Variants in CAPN8 observed in about 807,000 individuals in gnomAD.
CAPN8 encodes calpain-8.
Under a neutral mutation model 80.9 loss-of-function variants are expected in CAPN8, and 87 were observed. That is an observed-to-expected ratio of 1.07 (90% confidence interval 0.90 to 1.28). CAPN8 has a LOEUF of 1.28. CAPN8 is among the 50% of genes most tolerant of loss of function. The pLI, the probability that CAPN8 is intolerant of heterozygous loss-of-function variation, is 0.00. For synonymous variants in CAPN8, 299 were observed against 273.8 expected (o/e 1.09, Z -0.91); for missense variants, 757 against 702.0 (o/e 1.08, Z -0.89).
chr1:223,548,856 A>AGT (rs2102689111), intron 16 of CAPN8, among the ~76,000 whole-genome samples: 1 of 147,192 alleles, frequency 6.8e-6, no homozygotes, highest in Admixed American at 6.7e-5. Flanking sequence ...AACTATCAGT[A>AGT]GTAGCTGTCC....
intron 6 of CAPN8, among the ~76,000 whole-genome samples, chr1:223,625,126 G>A (rs745581966): frequency 1.2e-4 from 19 of 152,106 alleles, no homozygotes; most frequent in Non-Finnish European, 2.5e-4. Context: ...AAAAAATAAT[G>A]ACTAGTATAG....
At position 223,627,133 on chromosome 1, in the gene CAPN8, G is replaced by T. The variant is rs770852387; in HGVS notation, c.585C>A (p.Leu195=). ...YAKLNGCYEA[L]AGGSTVEGFE... ...ACCCCTCCACTGTGGAACCTCCAGC[G>T]AGAGCCTCATAACAACCATTAAGCC... Residue 195 remains leucine, a synonymous_variant, in exon 5 of 21, where the codon CTC becomes CTA. Coordinates refer to ENST00000366872, the MANE Select transcript of CAPN8 (RefSeq NM_001143962.2). 4 of 1,552,336 alleles carry T rather than the reference G, an allele frequency of 2.6e-6. No individual in the cohort carries two copies. In the Admixed American group the frequency reaches 7.8e-5, roughly 30 times the overall value.
chr1:223,638,348 A>G (rs1336358076), intron 2 of CAPN8, among the ~76,000 whole-genome samples: 4 of 151,956 alleles, frequency 2.6e-5, no homozygotes. Context: ...ATACCGAGGG[A>G]AGACTGTATG....
chr1:223,634,889 T>A (rs1657872986), intron 2 of CAPN8, among the ~76,000 whole-genome samples: 1 of 152,130 alleles, frequency 6.6e-6, no homozygotes, highest in Non-Finnish European at 1.5e-5. Context: ...ATAGCACCAC[T>A]CAAATAGAGT....
At position 223,628,157 on chromosome 1, in the gene CAPN8, C is replaced by A; in HGVS notation, c.427-15G>T. ...TACTGCCAGAACTGGGGAGGGGGGA[C>A]ACAGCGGCTGCTCACATGAATAAGC... is the stretch of plus-strand genomic sequence containing the variant. On this transcript the variant is annotated splice_polypyrimidine_tract_variant and intron_variant, in intron 3 of 20. Transcript: ENST00000366872. 6.5e-7 allele frequency: 1 copy of A among 1,534,554 alleles called. No individual in the cohort carries two copies. Among genetic ancestry groups the A allele is most frequent in the Non-Finnish European group, 8.8e-7 (1 of 1,136,924 alleles).
intron 18 of CAPN8, among the ~76,000 whole-genome samples, 175 bp downstream of exon 18, chr1:223,544,597 G>A (rs1042045277): frequency 1.3e-5 from 2 of 152,328 alleles, no homozygotes; most frequent in Admixed American, 6.5e-5. Flanking sequence ...ATGGAATCGA[G>A]CAATATTCTC....
chr1:223,653,851 GT>G (rs1474734378), intron 2 of CAPN8, among the ~76,000 whole-genome samples: 1 of 152,132 alleles, frequency 6.6e-6, no homozygotes, highest in African/African-American at 2.4e-5. Context: ...AGAAATGAAG[GT>G]TTTTGATTAC....
chr1:223,609,928 A>G (rs1656989633), intron 11 of CAPN8, among the ~76,000 whole-genome samples: 1 of 152,188 alleles, frequency 6.6e-6, no homozygotes, highest in Non-Finnish European at 1.5e-5. Flanking sequence ...AGCTAGGCCT[A>G]GTCTGGGGTC....
intron 2 of CAPN8, among the ~76,000 whole-genome samples, chr1:223,646,555 T>G (rs1305845506): frequency 6.6e-6 from 1 of 152,240 alleles, no homozygotes; most frequent in East Asian, 1.9e-4. Flanking sequence ...TAGGCTCCCT[T>G]GAGCCTTGGG....
In CAPN8 at chr1:223,665,435, T is replaced by C. The variant is rs1235121070; in HGVS notation, c.212A>G (p.Gln71Arg). The change falls in exon 1 of 21, where the codon CAA becomes CGA. Residue 71 changes from glutamine (Q) to arginine (R), a missense_variant. Transcript: ENST00000366872. ...CGTGGGCCGCTTCCAGATGATGCCTTGAGTTTGCGGAGAGCCTGGTCCAAG... is the reference window on the plus strand; with the variant it reads ...CGTGGGCCGCTTCCAGATGATGCCTCGAGTTTGCGGAGAGCCTGGTCCAAG... ...KDLGPGSPQT[Q>R]GIIWKRPTEL... is the part of the protein sequence containing the mutation. The C allele has an allele frequency of 1.3e-6, 2 of 1,551,518 alleles. No homozygotes were observed. The highest frequency in any genetic ancestry group is 2.4e-5 in the East Asian group (1 of 40,900).
chr1:223,658,768 C>T (rs923155734), intron 1 of CAPN8, among the ~76,000 whole-genome samples: 11 of 152,004 alleles, frequency 7.2e-5, no homozygotes, highest in African/African-American at 2.7e-4. Flanking sequence ...ATCGCGCCAC[C>T]GCACTCCAGC....
chr1:223,543,947 A>G (rs903848129), intron 19 of CAPN8, 120 bp downstream of exon 19: 1 of 626,566 alleles, frequency 1.6e-6, no homozygotes, highest in Non-Finnish European at 2.9e-6. Flanking sequence ...AGCCCTGTCT[A>G]TCATTTTCTG....
chr1:223,658,318 A>C (rs1658552463), intron 1 of CAPN8, among the ~76,000 whole-genome samples: 1 of 152,200 alleles, frequency 6.6e-6, no homozygotes, highest in Non-Finnish European at 1.5e-5. Flanking sequence ...TCATTGGCAA[A>C]GGCTACAGAC....
Position 223,643,947 on chromosome 1 carries a change from TA to T in CAPN8, c.307+10382del, listed in dbSNP as rs970566435. Among the ~76,000 whole-genome samples the T allele has an allele frequency of 2.3e-4, 35 of 152,290 alleles. No individual in the cohort carries two copies. The South Asian group carries it at 3.3e-3, about 14-fold the overall frequency. On this transcript the variant is annotated intron_variant, in intron 2 of 20. Coordinates refer to ENST00000366872, the MANE Select transcript of CAPN8 (RefSeq NM_001143962.2). Reference sequence around the variant, plus strand: ...AAAATCTAGACTTCTGATTTCCTTTTAAAAAAAATTTTTTTAATACAAACAA... The same window carrying T: ...AAAATCTAGACTTCTGATTTCCTTTTAAAAAAATTTTTTTAATACAAACAA...
In CAPN8 at chr1:223,615,973, G is replaced by A. The variant is rs1252632082; in HGVS notation, c.1308C>T (p.Tyr436=). 1 of 1,552,190 alleles carries A rather than the reference G, an allele frequency of 6.4e-7. No individual in the cohort carries two copies. The change falls in exon 10 of 21, where the codon TAC becomes TAT. Residue 436 remains tyrosine, a synonymous_variant. Transcript: ENST00000366872. ...GACAAACCCAGCACAGCAGTACCTG[G>A]TAGACGGCATAGCCGATGCTAAGCA... is the stretch of plus-strand genomic sequence containing the variant. ...QGMLSIGYAV[Y]QVPKELESHT...
intron 2 of CAPN8, chr1:223,629,063 G>GGAAAAGAAAAGAAGAGGAGAGGAGA: frequency 2.5e-6 from 1 of 396,510 alleles, no homozygotes. Context: ...CCAGTGGAGT[G>GGAAAAGAAAAGAAGAGGAGAGGAGA]GAAAAGAAAA....
At chr1:223,635,363 A>AT (rs542757663) in intron 2 of CAPN8, among the ~76,000 whole-genome samples, 19 of 150,640 alleles carry the variant, frequency 1.3e-4, no homozygotes, top group South Asian at 2.1e-4. Context: ...ACACACACTG[A>AT]TTTTTTTTTT....
At position 223,628,731 on chromosome 1, in the gene CAPN8, C is replaced by G. The variant is rs1326618350; in HGVS notation, c.357G>C (p.Glu119Asp). The stretch of plus-strand genomic sequence containing the variant: ...CCCTGGGGACCACCCGGTAAAGCAG[C>G]TCTTCATTCAGGGTCAGGGAGGCAA... Reference protein sequence around the residue: ...AAIASLTLNEELLYRVVPRDQ... With the variant: ...AAIASLTLNEDLLYRVVPRDQ... The change falls in exon 3 of 21, where the codon GAG becomes GAC. Residue 119 changes from glutamate (E) to aspartate (D), a missense_variant. Coordinates refer to ENST00000366872, the MANE Select transcript of CAPN8 (RefSeq NM_001143962.2). 1 of 1,552,922 alleles carries G rather than the reference C, an allele frequency of 6.4e-7. No homozygotes were observed. Among genetic ancestry groups the G allele is most frequent in the East Asian group, 2.4e-5 (1 of 40,936 alleles).
intron 1 of CAPN8, among the ~76,000 whole-genome samples, chr1:223,657,884 A>G (rs1658541910): frequency 6.6e-6 from 1 of 152,164 alleles, no homozygotes; most frequent in African/African-American, 2.4e-5. Flanking sequence ...CCATGTCATC[A>G]ATAATAACTA....
Sources: gnomAD v4.1 joint callset for allele counts (sites outside exome capture counted in the v4.1 genomes callset) on GRCh38, gnomAD v4.1.1 for gene constraint, MANE v1.5 for transcripts, NCBI Gene and HGNC (gene_info 2026-07-23, HGNC 2026-07-21) for gene names.